Variants in APBA1 observed in about 807,000 individuals in gnomAD.
The protein encoded by APBA1 is amyloid-beta A4 precursor protein-binding family A member 1.
A neutral mutation model predicts 86.6 loss-of-function variants in APBA1; 55 were observed. That is an observed-to-expected ratio of 0.64 (90% CI 0.51 to 0.80). The LOEUF (loss-of-function observed/expected upper bound fraction) is 0.80, where lower values mean the gene tolerates loss of function less well. Among genes scored for constraint, APBA1 ranks in the 30% least tolerant of loss-of-function variants. The probability of loss-of-function intolerance (pLI) is 0.00; values close to 1 mark genes in which losing one functional copy is unlikely to be tolerated. For missense variants in APBA1, 1,090 were observed against 1,183.0 expected, an observed-to-expected ratio of 0.92 and a Z score of 1.15; for synonymous variants, 511 against 493.9, an observed-to-expected ratio of 1.03 and a Z score of -0.46.
intron 1 of APBA1, among the ~76,000 whole-genome samples, chr9:69,583,343 C>T (rs984128399): frequency 2.0e-5 from 3 of 152,192 alleles, no homozygotes; most frequent in African/African-American, 7.2e-5. Flanking sequence ...TTTGCTGGCT[C>T]TCGGTCTCTT....
intron 1 of APBA1, among the ~76,000 whole-genome samples, chr9:69,665,505 A>C (rs1004840579): frequency 6.6e-6 from 1 of 152,198 alleles, no homozygotes; most frequent in African/African-American, 2.4e-5. Context: ...CACCTGAGTT[A>C]CTTAAATCTT....
intron 5 of APBA1, 125 bp downstream of exon 5, chr9:69,467,698 G>T: frequency 7.6e-7 from 1 of 1,321,838 alleles, no homozygotes; most frequent in Non-Finnish European, 1.0e-6. Flanking sequence ...GATAAGCACT[G>T]CCTGTGTGAT....
intron 1 of APBA1, among the ~76,000 whole-genome samples, chr9:69,541,264 T>A (rs1836606616): frequency 8.2e-6 from 1 of 121,832 alleles, no homozygotes; most frequent in South Asian, 3.1e-4. Flanking sequence ...CCCCCCCCCA[T>A]TCTGTTTTCT....
chr9:69,658,272 CTTTCTT>C (rs1461224962), intron 1 of APBA1, among the ~76,000 whole-genome samples: 7 of 85,570 alleles, frequency 8.2e-5, no homozygotes, highest in African/African-American at 2.2e-4. Flanking sequence ...TTCTTTCTTT[CTTTCTT>C]TCTTTCTCTC....
At chr9:69,468,306 CT>C (rs1047625758) in intron 4 of APBA1, among the ~76,000 whole-genome samples, 16 of 152,180 alleles carry the variant, frequency 1.1e-4, no homozygotes, top group Admixed American at 4.6e-4. Context: ...TGACATTCAC[CT>C]CTGACTCTCT....
chr9:69,443,161 T>G (rs1588286257), intron 10 of APBA1, among the ~76,000 whole-genome samples: 2 of 152,168 alleles, frequency 1.3e-5, no homozygotes, highest in South Asian at 4.1e-4. Context: ...CTGGCCACTT[T>G]TTAGAAGTGC....
chr9:69,516,481 C>A lies in APBA1; in HGVS notation c.730G>T (p.Gly244Cys), dbSNP rs1386196455. 3 of 1,600,010 alleles carry A rather than the reference C, an allele frequency of 1.9e-6. No homozygotes were observed. The highest frequency in any genetic ancestry group is 2.5e-6 in the Non-Finnish European group (3 of 1,178,284). ...RLHHYDERSDGESDSPEKEAE... is the reference protein window; with the variant it reads ...RLHHYDERSDCESDSPEKEAE... ...TCCTTCTCGGGGCTGTCGGACTCGC[C>A]GTCGGAGCGCTCGTCGTAATGGTGC... Residue 244 changes from glycine to cysteine, a missense_variant, in exon 2 of 13, where the codon GGC becomes TGC. Transcript: ENST00000265381. The surrounding 1 kb of genome is among the most constrained non-coding windows in gnomAD (Gnocchi z 7.3).
chr9:69,447,658 T>C (rs1454000565), intron 10 of APBA1, among the ~76,000 whole-genome samples: 1 of 152,160 alleles, frequency 6.6e-6, no homozygotes, highest in African/African-American at 2.4e-5. Context: ...TGACTCTGTA[T>C]TGGAGGCTGT....
chr9:69,498,541 A>G (rs531898069), intron 2 of APBA1, among the ~76,000 whole-genome samples: 1 of 152,292 alleles, frequency 6.6e-6, no homozygotes, highest in East Asian at 1.9e-4. Flanking sequence ...AGGAGGCTTG[A>G]AGGTCTCGCT....
intron 2 of APBA1, among the ~76,000 whole-genome samples, chr9:69,514,206 T>G (rs1836096732): frequency 6.6e-6 from 1 of 152,226 alleles, no homozygotes; most frequent in Non-Finnish European, 1.5e-5. Context: ...TAAAACAGAA[T>G]ACATATCTTT....
chr9:69,491,156 G>A (rs1236281633), intron 2 of APBA1, among the ~76,000 whole-genome samples: 7 of 151,972 alleles, frequency 4.6e-5, no homozygotes, highest in Non-Finnish European at 8.8e-5. Flanking sequence ...ACATGCACAC[G>A]TATGTTTATT....
intron 1 of APBA1, among the ~76,000 whole-genome samples, chr9:69,614,709 T>C (rs1046279973): frequency 1.3e-5 from 2 of 152,148 alleles, no homozygotes; most frequent in Non-Finnish European, 2.9e-5. Context: ...AACTTTAAGG[T>C]CGATGGACTA....
At chr9:69,634,528 A>G (rs7020412) in intron 1 of APBA1, among the ~76,000 whole-genome samples, 136,773 of 152,204 alleles carry the variant, frequency 0.9, 62,285 homozygotes, top group East Asian at 1. Flanking sequence ...AATAGGAGGT[A>G]GAGAGAGAGA....
chr9:69,497,760 CTG>C (rs764796519), intron 2 of APBA1, among the ~76,000 whole-genome samples: 32 of 152,292 alleles, frequency 2.1e-4, no homozygotes, highest in Non-Finnish European at 4.0e-4. Context: ...TGCACCATCT[CTG>C]TGCTAGCTCT....
chr9:69,564,880 C>A lies in APBA1; in HGVS notation c.-69-47601G>T, dbSNP rs187805725. The stretch of plus-strand genomic sequence containing the variant: ...GATACTTGTATATCAGTGCTCTTAG[C>A]AGCATTATTCACAACAGTCAAAAAG... On this transcript the variant is annotated intron_variant, in intron 1 of 12. Transcript: ENST00000265381. Among the ~76,000 whole-genome samples the A allele has an allele frequency of 2.6e-5, 4 of 152,304 alleles. No homozygotes were observed. In the East Asian group the frequency reaches 5.8e-4, roughly 22 times the overall value.
At chr9:69,458,409 G>T (rs577750474) in intron 5 of APBA1, among the ~76,000 whole-genome samples, 1 of 152,340 alleles carries the variant, frequency 6.6e-6, no homozygotes, top group Non-Finnish European at 1.5e-5. Context: ...GAAATGTGTT[G>T]CAGTGCTTCT....
At chr9:69,646,138 T>C (rs1171416541) in intron 1 of APBA1, among the ~76,000 whole-genome samples, 2 of 152,202 alleles carry the variant, frequency 1.3e-5, no homozygotes, top group African/African-American at 4.8e-5. Flanking sequence ...TTAAAACTCA[T>C]TTATAATATC....
chr9:69,432,346 G>C (rs188190996), intron 12 of APBA1, among the ~76,000 whole-genome samples, 190 bp downstream of exon 12: 116 of 152,342 alleles, frequency 7.6e-4, no homozygotes, highest in Non-Finnish European at 1.4e-3. Context: ...TTTCATGGAG[G>C]AGCTCCCAGA....
At chr9:69,440,056 CCT>C in intron 11 of APBA1, among the ~76,000 whole-genome samples, 1 of 152,274 alleles carries the variant, frequency 6.6e-6, no homozygotes. Context: ...CACTCCAGAC[CCT>C]GTTTGCCTGG....
Sources: gnomAD v4.1 joint callset for allele counts (sites outside exome capture counted in the v4.1 genomes callset) on GRCh38, gnomAD v4.1.1 for gene constraint, Gnocchi (gnomAD v3.1) non-coding constraint, MANE v1.5 for transcripts, NCBI Gene and HGNC (gene_info 2026-07-23, HGNC 2026-07-21) for gene names.